Variants in WNT11 observed in about 807,000 individuals in gnomAD.
WNT11 encodes Wnt family member 11, also known as protein Wnt-11.
A neutral mutation model predicts 35.6 loss-of-function variants in WNT11; 20 were observed. The observed-to-expected ratio is 0.56, with a 90% CI of 0.40 to 0.82. The LOEUF is 0.82. WNT11 is among the 40% of genes least tolerant of loss of function. The probability of loss-of-function intolerance (pLI) is 0.00; values close to 1 mark genes in which losing one functional copy is unlikely to be tolerated. For synonymous variants in WNT11, 200 were observed against 211.9 expected, an observed-to-expected ratio of 0.94 and a Z score of 0.49; for missense variants, 459 against 504.4, an observed-to-expected ratio of 0.91 and a Z score of 0.86.
At chr11:76,196,428 G>A (rs1435235123) in intron 2 of WNT11, 55 bp downstream of exon 2, 4 of 1,585,992 alleles carry the variant, frequency 2.5e-6, no homozygotes, top group East Asian at 2.2e-5. Context: ...ACAGATTGAT[G>A]CCTGAATTCC....
intron 1 of WNT11, among the ~76,000 whole-genome samples, chr11:76,203,284 C>T (rs1591311707): frequency 1.3e-5 from 2 of 152,366 alleles, no homozygotes; most frequent in Non-Finnish European, 1.5e-5. Flanking sequence ...CAGGCTGGGC[C>T]TTGCAGTCCC....
upstream of WNT11, chr11:76,206,564 A>G (rs1953479076): frequency 6.6e-6 from 8 of 1,210,102 alleles, no homozygotes; most frequent in East Asian, 2.7e-4. Flanking sequence ...CGTTTTATTC[A>G]AATTACAAAG....
chr11:76,210,736 TCTC>T (rs912629216), upstream of WNT11: 5 of 931,048 alleles, frequency 5.4e-6, no homozygotes, highest in Non-Finnish European at 3.8e-6. Context: ...TCGCCCGAGC[TCTC>T]CTCCTCGCCT....
intron 3 of WNT11, among the ~76,000 whole-genome samples, chr11:76,193,271 C>A (rs969285805): frequency 6.6e-6 from 1 of 152,252 alleles, no homozygotes; most frequent in Non-Finnish European, 1.5e-5. Context: ...GGGACACTGG[C>A]CCCTTTTGCA....
At chr11:76,208,649 C>T (rs1357569545), upstream of WNT11, among the ~76,000 whole-genome samples, 1 of 152,194 alleles carries the variant, frequency 6.6e-6, no homozygotes, top group East Asian at 1.9e-4. Context: ...CGCGCGGACT[C>T]ACAGCGGGGG....
At chr11:76,197,450 A>C (rs947540873) in intron 1 of WNT11, among the ~76,000 whole-genome samples, 4 of 152,190 alleles carry the variant, frequency 2.6e-5, no homozygotes, top group African/African-American at 9.7e-5. Context: ...TATTTCCCAG[A>C]ATGGGCTCCA....
At position 76,186,436 on chromosome 11, in the gene WNT11, C is replaced by G. The variant is rs573283646; in HGVS notation, c.*629G>C. On this transcript the variant is annotated 3_prime_UTR_variant, in exon 5 of 5. Transcript: ENST00000322563. ...GGGCTCACTCAGCATTTATTTCATA[C>G]AGCTGCTTAAAAAGCTAGTTTTAAA... is the stretch of plus-strand genomic sequence containing the variant. 7.8e-4 allele frequency: 119 copies of G among 151,612 alleles called. No homozygotes were observed. Among genetic ancestry groups the G allele is most frequent in the African/African-American group, 2.6e-3 (109 of 41,354 alleles). 9.4% of individuals were successfully genotyped at this position (151,612 alleles called of 1,614,324 possible). A position where few individuals can be genotyped will look rare whatever the true frequency, so the allele number is the denominator to read the frequency against.
rs567910713 is a variant in WNT11 at position 76,187,330 on chromosome 11, T to C, written c.891-91A>G. On this transcript the variant is annotated intron_variant, in intron 4 of 4. Coordinates refer to ENST00000322563, the MANE Select transcript of WNT11 (RefSeq NM_004626.3). ...TCCCAGCCAGGCAGCCGGCAGCGTC[T>C]CCCATGGCCACCGACTCAGCCCTTC... is the stretch of plus-strand genomic sequence containing the variant. 12 of 1,293,712 alleles carry C rather than the reference T, an allele frequency of 9.3e-6. No homozygotes were observed. In the East Asian group the frequency reaches 3.0e-4, roughly 32 times the overall value. The allele number at this position is 1,293,712 out of a possible 1,614,324, so 80.1% of individuals were successfully genotyped here. A position where few individuals can be genotyped will look rare whatever the true frequency, so the allele number is the denominator to read the frequency against.
intron 2 of WNT11, among the ~76,000 whole-genome samples, chr11:76,196,022 C>T (rs1419344650): frequency 6.6e-6 from 1 of 152,224 alleles, no homozygotes; most frequent in Non-Finnish European, 1.5e-5. Flanking sequence ...TGTCCCCACA[C>T]TGCTTTGCGC....
chr11:76,188,497 C>T (rs2134563063), intron 4 of WNT11, among the ~76,000 whole-genome samples: 1 of 152,380 alleles, frequency 6.6e-6, no homozygotes, highest in Non-Finnish European at 1.5e-5. Flanking sequence ...CTGGTGGCTC[C>T]TCTAGCTGGG....
At chr11:76,210,313 G>A (rs1378372919), upstream of WNT11, 1 of 557,186 alleles carries the variant, frequency 1.8e-6, no homozygotes, top group Non-Finnish European at 2.3e-6. Flanking sequence ...AGTGCTGCGG[G>A]GGAAAGGTAT....
chr11:76,192,447 C>T lies in WNT11; in HGVS notation c.598-591G>A, dbSNP rs777497851. On this transcript the variant is annotated intron_variant, in intron 3 of 4. Transcript: ENST00000322563. ...CCTCCCCGCCGCCTGGCTGACTTTC[C>T]CCCCACTGCCAGTGCTCCTGCCAGG... Among the ~76,000 whole-genome samples the T allele has an allele frequency of 4.3e-4, 65 of 151,558 alleles. 1 individual carries two copies. The highest frequency in any genetic ancestry group is 6.8e-3 in the Middle Eastern group (2 of 294).
upstream of WNT11, among the ~76,000 whole-genome samples, chr11:76,209,245 G>C (rs564083670): frequency 1.1e-3 from 173 of 152,324 alleles, no homozygotes; most frequent in African/African-American, 4.0e-3. Flanking sequence ...GAGCTACCCT[G>C]CCTGCAGCGG....
chr11:76,198,992 C>T (rs926567169), intron 1 of WNT11, among the ~76,000 whole-genome samples: 1 of 152,048 alleles, frequency 6.6e-6, no homozygotes, highest in Admixed American at 6.5e-5. Context: ...AAAAATTAGC[C>T]AGGCATGGTG....
In WNT11 at chr11:76,187,160, G is replaced by A. The variant is rs779689536; in HGVS notation, c.970C>T (p.Arg324Cys). ...CGRGYNPYTDRVVERCHCKYH... is the reference protein window; with the variant it reads ...CGRGYNPYTDCVVERCHCKYH... ...TTACAGTGGCACCGCTCGACCACGC[G>A]GTCTGTGTAGGGGTTGTAGCCACGC... The change falls in exon 5 of 5, where the codon CGC (arginine) becomes TGC (cysteine). Residue 324 changes from arginine to cysteine, a missense_variant. Arg to Cys is a radical substitution (Grantham distance 180). Coordinates refer to ENST00000322563, the MANE Select transcript of WNT11 (RefSeq NM_004626.3). The A allele has an allele frequency of 7.4e-6, 12 of 1,611,636 alleles. No homozygotes were observed. The highest frequency in any genetic ancestry group is 6.7e-5 in the East Asian group (3 of 44,882).
In WNT11 at chr11:76,186,572, C is replaced by T; in HGVS notation, c.*493G>A. 1 of 177,166 alleles carries T rather than the reference C, an allele frequency of 5.6e-6. No individual in the cohort carries two copies. Among genetic ancestry groups the T allele is most frequent in the East Asian group, 1.4e-4 (1 of 7,310 alleles). The allele number at this position is 177,166 out of a possible 1,614,324, so 11.0% of individuals were successfully genotyped here. A position where few individuals can be genotyped will look rare whatever the true frequency, so the allele number is the denominator to read the frequency against. On this transcript the variant is annotated 3_prime_UTR_variant, in exon 5 of 5. Transcript: ENST00000322563. The stretch of plus-strand genomic sequence containing the variant: ...CTATGTTTTATAAATATTTCTGTAG[C>T]TTCCACATCCCAAAGGAAGAAAAAG...
intron 2 of WNT11, among the ~76,000 whole-genome samples, chr11:76,195,476 G>C (rs1953267249): frequency 6.6e-6 from 1 of 152,344 alleles, no homozygotes. Flanking sequence ...AGGATGGCGG[G>C]CCGCCACCAG....
At chr11:76,191,994 T>C (rs2134572185) in intron 3 of WNT11, 138 bp from the exon 4 acceptor site, 2 of 1,162,410 alleles carry the variant, frequency 1.7e-6, no homozygotes, top group Middle Eastern at 3.0e-4. Flanking sequence ...TAGAGCTTTT[T>C]GCTTTAAAGC....
chr11:76,191,543 C>G (rs1277149676), intron 4 of WNT11, 21 bp downstream of exon 4: 1 of 1,600,730 alleles, frequency 6.2e-7, no homozygotes, highest in South Asian at 1.1e-5. Flanking sequence ...CCTTTCCCAC[C>G]AAGGTGGCAG....
Sources: allele counts gnomAD v4.1 joint callset (sites outside exome capture counted in the v4.1 genomes callset), GRCh38; gene constraint gnomAD v4.1.1; transcripts MANE v1.5; gene names NCBI Gene and HGNC (gene_info 2026-07-23, HGNC 2026-07-21).